RUFY2: variants seen among roughly 807,000 people sequenced by gnomAD.
RUFY2 encodes the protein RUN and FYVE domain containing 2.
Under a neutral mutation model 94.4 loss-of-function variants are expected in RUFY2, and 49 were observed. The ratio of observed to expected loss-of-function variants is 0.52; its 90% CI spans 0.41 to 0.66. The LOEUF (loss-of-function observed/expected upper bound fraction) is 0.66. RUFY2 is among the 30% of genes least tolerant of loss of function. The probability of loss-of-function intolerance (pLI) is 0.00; values close to 1 mark genes in which losing one functional copy is unlikely to be tolerated. For synonymous variants in RUFY2, 255 were observed against 235.7 expected (o/e 1.08, Z -0.75); for missense variants, 541 against 692.8 (o/e 0.78, Z 2.46).
intron 10 of RUFY2, among the ~76,000 whole-genome samples, chr10:68,382,871 G>A (rs2049184573): frequency 6.6e-6 from 1 of 152,066 alleles, no homozygotes; most frequent in Non-Finnish European, 1.5e-5. Context: ...GTATTTTTCT[G>A]TTGGCATTAT....
intron 12 of RUFY2, chr10:68,378,554 A>C (rs2048817413): frequency 1.9e-6 from 3 of 1,571,996 alleles, no homozygotes; most frequent in Non-Finnish European, 2.6e-6. Flanking sequence ...TTTAAATACA[A>C]GTGGTCTTCA....
intron 15 of RUFY2, among the ~76,000 whole-genome samples, chr10:68,357,197 T>C (rs888287693): frequency 6.6e-6 from 1 of 151,360 alleles, no homozygotes; most frequent in Non-Finnish European, 1.5e-5. Flanking sequence ...AAAATACATA[T>C]GTTGGGATCA....
chr10:68,375,427 A>G (rs978288260), intron 13 of RUFY2, among the ~76,000 whole-genome samples: 1 of 151,988 alleles, frequency 6.6e-6, no homozygotes, highest in Non-Finnish European at 1.5e-5. Context: ...GTGTTTACCT[A>G]GTAACAAGAC....
chr10:68,386,375 A>G (rs944289364), intron 7 of RUFY2, among the ~76,000 whole-genome samples: 21 of 152,070 alleles, frequency 1.4e-4, no homozygotes, highest in African/African-American at 5.1e-4. Flanking sequence ...TCTGAGATGG[A>G]GTCTCACTCT....
intron 12 of RUFY2, chr10:68,379,021 C>T (rs963906704): frequency 2.2e-5 from 6 of 275,114 alleles, no homozygotes; most frequent in Admixed American, 1.0e-4. Flanking sequence ...ACCACCAATT[C>T]GGAATGCTTG....
intron 13 of RUFY2, among the ~76,000 whole-genome samples, chr10:68,375,707 C>T (rs530535151): frequency 2.7e-5 from 4 of 147,482 alleles, no homozygotes; most frequent in Non-Finnish European, 4.5e-5. Context: ...ACCCGGGAGG[C>T]GGAGCTTGCA....
At chr10:68,390,031 A>G (rs907872030) in intron 7 of RUFY2, among the ~76,000 whole-genome samples, 1 of 152,188 alleles carries the variant, frequency 6.6e-6, no homozygotes, top group Non-Finnish European at 1.5e-5. Context: ...TGCCTTTTGA[A>G]GTTTGAGCCA....
At chr10:68,370,047 G>C (rs2048147860) in intron 13 of RUFY2, among the ~76,000 whole-genome samples, 1 of 152,180 alleles carries the variant, frequency 6.6e-6, no homozygotes, top group Non-Finnish European at 1.5e-5. Context: ...ACTTCGGGAG[G>C]CCAAGGCAGG....
chr10:68,350,566 T>C (rs556804816), intron 16 of RUFY2, among the ~76,000 whole-genome samples: 2 of 152,230 alleles, frequency 1.3e-5, no homozygotes, highest in African/African-American at 4.8e-5. Context: ...GTAATAAGTA[T>C]AAAGCAAAAC....
chr10:68,400,739 G>A (rs897298746), intron 3 of RUFY2, among the ~76,000 whole-genome samples: 6 of 143,366 alleles, frequency 4.2e-5, no homozygotes, highest in Admixed American at 7.0e-5. Flanking sequence ...TAGGCTTGGC[G>A]CGGTGGCTCA....
Position 68,343,807 on chromosome 10 carries a change from C to CTT in RUFY2, c.*1960_*1961insAA, listed in dbSNP as rs139789920. On this transcript the variant is annotated 3_prime_UTR_variant, in exon 18 of 18. Transcript: ENST00000602465. ...AGCAAGTTGCTGTCATAAAAGCTGC[C>CTT]TAAAAAAAAAAAAAAAAAAAAAAAA... 1 of 98,676 alleles carries CTT rather than the reference C, an allele frequency of 1.0e-5. No individual in the cohort carries two copies. Among genetic ancestry groups the CTT allele is most frequent in the Non-Finnish European group, 2.0e-5 (1 of 49,938 alleles). 6.1% of individuals were successfully genotyped at this position (98,676 alleles called of 1,614,324 possible).
At chr10:68,341,394 G>C, downstream of RUFY2, 1 of 1,400,402 alleles carries the variant, frequency 7.1e-7, no homozygotes, top group Non-Finnish European at 9.9e-7. Flanking sequence ...GGTAACGCTT[G>C]GCAGTTGTTG....
rs2046973154 is a variant in RUFY2 at position 68,355,347 on chromosome 10, A to G, written c.1599+6T>C. The G allele has an allele frequency of 6.2e-7, 1 of 1,606,962 alleles. No homozygotes were observed. The highest frequency in any genetic ancestry group is 1.3e-5 in the African/African-American group (1 of 74,652). The stretch of plus-strand genomic sequence containing the variant: ...CCTTCCCACTTTAGGAAAACGTTCT[A>G]CTCACCTGCAATGCTTTGTTGGCTT... On this transcript the variant is annotated splice_donor_region_variant and intron_variant, in intron 16 of 17. Transcript: ENST00000602465.
At chr10:68,399,057 T>G (rs1416050761) in intron 3 of RUFY2, among the ~76,000 whole-genome samples, 1 of 151,854 alleles carries the variant, frequency 6.6e-6, no homozygotes, top group Non-Finnish European at 1.5e-5. Flanking sequence ...TTTTTTTTGG[T>G]GGGGGAGACA....
At chr10:68,405,522 C>T in intron 1 of RUFY2, 1 of 843,938 alleles carries the variant, frequency 1.2e-6, no homozygotes, top group Middle Eastern at 6.0e-4. Context: ...GGTTTAAGGG[C>T]CTCATGCAAA....
intron 4 of RUFY2, among the ~76,000 whole-genome samples, 188 bp from the exon 5 acceptor site, chr10:68,394,639 T>A (rs1421422990): frequency 6.6e-6 from 1 of 151,784 alleles, no homozygotes; most frequent in Non-Finnish European, 1.5e-5. Context: ...TTATTAATTT[T>A]TTTTTTTTGA....
chr10:68,393,002 T>C (rs1295789786), intron 7 of RUFY2, 136 bp downstream of exon 7: 4 of 424,350 alleles, frequency 9.4e-6, no homozygotes, highest in Non-Finnish European at 1.7e-5. Context: ...CTCTGTATTC[T>C]TACTTTCCAT....
In RUFY2 at chr10:68,346,092, G is replaced by A; in HGVS notation, c.1600-8C>T. 1.2e-6 allele frequency: 2 copies of A among 1,601,076 alleles called. No individual in the cohort carries two copies. Among genetic ancestry groups the A allele is most frequent in the Non-Finnish European group, 1.7e-6 (2 of 1,174,374 alleles). On this transcript the variant is annotated splice_region_variant and splice_polypyrimidine_tract_variant and intron_variant, in intron 16 of 17. Coordinates refer to ENST00000602465, the MANE Select transcript of RUFY2 (RefSeq NM_001330103.2). ...TTTCAGCCAAACCAGTCCCTAGTAGGAAGAAAATATTAATGCTCAAATTGG... is the reference window on the plus strand; with the variant it reads ...TTTCAGCCAAACCAGTCCCTAGTAGAAAGAAAATATTAATGCTCAAATTGG...
In RUFY2 at chr10:68,378,406, T is replaced by C. The variant is rs536548757; in HGVS notation, c.1205+1018A>G. ...GAAATCCAAGTGCACCCACTCTGCT[T>C]GATGGCAGTGTATTACCACAGCAGC... On this transcript the variant is annotated intron_variant, in intron 12 of 17. Coordinates refer to ENST00000602465, the MANE Select transcript of RUFY2 (RefSeq NM_001330103.2). 285 of 1,248,864 alleles carry C rather than the reference T, an allele frequency of 2.3e-4. No individual in the cohort carries two copies. The African/African-American group carries it at 3.9e-3, about 17-fold the overall frequency. 77.4% of individuals were successfully genotyped at this position (1,248,864 alleles called of 1,614,324 possible). A position where few individuals can be genotyped will look rare whatever the true frequency, so the allele number is the denominator to read the frequency against.
Sources: allele counts gnomAD v4.1 joint callset (sites outside exome capture counted in the v4.1 genomes callset), GRCh38; gene constraint gnomAD v4.1.1; transcripts MANE v1.5; gene names NCBI Gene and HGNC (gene_info 2026-07-23, HGNC 2026-07-21).